REXO2: variants seen among roughly 807,000 people sequenced by gnomAD.
REXO2 encodes the protein oligoribonuclease, mitochondrial.
A neutral mutation model predicts 30.9 loss-of-function variants in REXO2; 17 were observed. The observed-to-expected ratio is 0.55, with a 90% CI of 0.38 to 0.82. The LOEUF (loss-of-function observed/expected upper bound fraction) is 0.82, where lower values mean the gene tolerates loss of function less well. Ranked by LOEUF, REXO2 falls within the 40% of genes least tolerant of loss-of-function variation. The probability of loss-of-function intolerance (pLI) is 0.00; values close to 1 mark genes in which losing one functional copy is unlikely to be tolerated. For synonymous variants in REXO2, 105 were observed against 99.6 expected (o/e 1.05, Z -0.32); for missense variants, 253 against 293.2 (o/e 0.86, Z 1.00).
chr11:114,444,440 T>TTA (rs1946499626), intron 3 of REXO2, 101 bp from the exon 4 acceptor site: 1 of 802,728 alleles, frequency 1.2e-6, no homozygotes, highest in African/African-American at 1.7e-5. Flanking sequence ...CTATTTGTGG[T>TTA]TATATTTGCC....
At chr11:114,445,912 T>G (rs74658740) in intron 4 of REXO2, 67 bp from the exon 5 acceptor site, 2 of 852,036 alleles carry the variant, frequency 2.3e-6, no homozygotes, top group African/African-American at 1.7e-5. Flanking sequence ...ATACAACTTA[T>G]GAATTTTGAT....
chr11:114,440,678 A>G lies in REXO2; in HGVS notation c.170A>G (p.Lys57Arg). ...CAGATGACAGGATTGGACATTGAGA[A>G]GGACCAGATTATTGAGATGGCCTGT... ...DLEMTGLDIE[K>R]DQIIEMACLI... Residue 57 changes from lysine (K) to arginine (R), a missense_variant, in exon 2 of 7, where the codon AAG (lysine) becomes AGG (arginine). Lys to Arg is a conservative substitution (Grantham distance 26). Coordinates refer to ENST00000265881, the MANE Select transcript of REXO2 (RefSeq NM_015523.4). 6.2e-7 allele frequency: 1 copy of G among 1,613,610 alleles called. No individual in the cohort carries two copies. Among genetic ancestry groups the G allele is most frequent in the East Asian group, 2.2e-5 (1 of 44,874 alleles).
chr11:114,442,710 A>C (rs910255788), intron 2 of REXO2, among the ~76,000 whole-genome samples: 3 of 152,154 alleles, frequency 2.0e-5, no homozygotes, highest in African/African-American at 7.2e-5. Context: ...GGTACAGTTT[A>C]TTATTATCAC....
At chr11:114,443,534 A>T (rs1482773862) in intron 2 of REXO2, among the ~76,000 whole-genome samples, 1 of 151,830 alleles carries the variant, frequency 6.6e-6, no homozygotes, top group Non-Finnish European at 1.5e-5. Flanking sequence ...TTTTTTAAAC[A>T]ATCTTTTACA....
At chr11:114,446,209 C>T (rs1336359535) in intron 5 of REXO2, 122 bp downstream of exon 5, 3 of 574,304 alleles carry the variant, frequency 5.2e-6, no homozygotes, top group Non-Finnish European at 9.2e-6. Flanking sequence ...ATATCTTCCT[C>T]ATCCCATTCT....
In REXO2 at chr11:114,441,703, C is replaced by A. The variant is rs1263299865; in HGVS notation, c.231+964C>A. On this transcript the variant is annotated intron_variant, in intron 2 of 6. Transcript: ENST00000265881. ...TATGTTACTGGCACTGGATACATTT[C>A]GTAAATCTGCAGTTAACACTTTTGT... is the stretch of plus-strand genomic sequence containing the variant. 5.7e-6 allele frequency: 4 copies of A among 701,966 alleles called. No individual in the cohort carries two copies. In the South Asian group the frequency reaches 5.9e-5, roughly 10 times the overall value. The allele number at this position is 701,966 out of a possible 1,614,324, so 43.5% of individuals were successfully genotyped here.
chr11:114,446,024 C>A lies in REXO2; in HGVS notation c.467C>A (p.Pro156His). The change falls in exon 5 of 7, where the codon CCC becomes CAC. Residue 156 changes from proline (P) to histidine (H), a missense_variant. Transcript: ENST00000265881. ...EDKKFLDKYM[P>H]QFMKHLHYRI... ...AAGAAGTTTCTTGACAAATACATGCCCCAGTTCATGAAACATCTTCATTAT... is the reference window on the plus strand; with the variant it reads ...AAGAAGTTTCTTGACAAATACATGCACCAGTTCATGAAACATCTTCATTAT... 1 of 1,610,076 alleles carries A rather than the reference C, an allele frequency of 6.2e-7. No individual in the cohort carries two copies. Among genetic ancestry groups the A allele is most frequent in the South Asian group, 1.1e-5 (1 of 90,612 alleles).
At chr11:114,441,168 G>A (rs1311974845) in intron 2 of REXO2, 2 of 158,296 alleles carry the variant, frequency 1.3e-5, no homozygotes, top group African/African-American at 2.4e-5. Flanking sequence ...TTTACTGGGG[G>A]AGCCAAGAGT....
chr11:114,445,256 CCT>C (rs1459356852), intron 4 of REXO2: 4 of 152,040 alleles, frequency 2.6e-5, no homozygotes, highest in African/African-American at 9.7e-5. Context: ...TTATTTTTCC[CCT>C]GTGTCATTGA....
intron 1 of REXO2, 155 bp downstream of exon 1, chr11:114,439,830 G>A (rs1565269644): frequency 1.1e-5 from 10 of 869,676 alleles, no homozygotes; most frequent in Non-Finnish European, 1.5e-5. Flanking sequence ...AAGTCCGGAG[G>A]CAGGAGTCCT....
chr11:114,441,754 G>A lies in REXO2; in HGVS notation c.231+1015G>A, dbSNP rs1254919949. On this transcript the variant is annotated intron_variant, in intron 2 of 6. Transcript: ENST00000265881. ...TTGTTTTGCTGTGTAGGTAAAAGAG[G>A]TGAGGACGTATTTCTAGATTAATGA... The A allele has an allele frequency of 5.7e-6, 4 of 702,178 alleles. No individual in the cohort carries two copies. The African/African-American group carries it at 7.0e-5, about 12-fold the overall frequency. The allele number at this position is 702,178 out of a possible 1,614,324, so 43.5% of individuals were successfully genotyped here. A position where few individuals can be genotyped will look rare whatever the true frequency, so the allele number is the denominator to read the frequency against.
intron 4 of REXO2, chr11:114,445,723 G>A (rs1946506398): frequency 2.9e-6 from 1 of 346,742 alleles, no homozygotes; most frequent in South Asian, 4.6e-5. Flanking sequence ...CAAGCATGTG[G>A]AATGATAGAT....
chr11:114,439,905 G>GCTT (rs995228046), intron 1 of REXO2: 2 of 582,260 alleles, frequency 3.4e-6, no homozygotes, highest in African/African-American at 3.8e-5. Flanking sequence ...CCTCCGTGTG[G>GCTT]CTTCTTCTCC....
At position 114,443,906 on chromosome 11, in the gene REXO2, A is replaced by C; in HGVS notation, c.282A>C (p.Ser94=). Residue 94 remains serine (S), a synonymous_variant, in exon 3 of 7, where the codon TCA becomes TCC. Coordinates refer to ENST00000265881, the MANE Select transcript of REXO2 (RefSeq NM_015523.4). The part of the protein sequence containing the change: ...KQPDELLDSM[S]DWCKEHHGKS... ...CAGATGAGTTGCTGGACAGCATGTCAGATTGGTGTAAGGAGCATCACGGGA... is the reference window on the plus strand; with the variant it reads ...CAGATGAGTTGCTGGACAGCATGTCCGATTGGTGTAAGGAGCATCACGGGA... 2 of 1,609,258 alleles carry C rather than the reference A, an allele frequency of 1.2e-6. No homozygotes were observed. The highest frequency in any genetic ancestry group is 1.7e-6 in the Non-Finnish European group (2 of 1,177,774).
chr11:114,445,150 C>T (rs1204205605), intron 4 of REXO2: 1 of 152,030 alleles, frequency 6.6e-6, no homozygotes, highest in Non-Finnish European at 1.5e-5. Context: ...TTAGATGTTC[C>T]CCAAAATATT....
At chr11:114,442,121 A>G (rs1413975040) in intron 2 of REXO2, among the ~76,000 whole-genome samples, 2 of 151,848 alleles carry the variant, frequency 1.3e-5, no homozygotes, top group Non-Finnish European at 2.9e-5. Flanking sequence ...TGAATGCAGC[A>G]TTTGTAAATG....
intron 2 of REXO2, chr11:114,441,810 C>A: frequency 1.4e-6 from 1 of 700,950 alleles, no homozygotes; most frequent in Non-Finnish European, 2.6e-6. Flanking sequence ...GCTTATCCTC[C>A]CCACATATCA....
Position 114,450,119 on chromosome 11 carries a change from T to A in REXO2, c.*144T>A. 3 of 751,074 alleles carry A rather than the reference T, an allele frequency of 4.0e-6. No homozygotes were observed. The highest frequency in any genetic ancestry group is 3.0e-5 in the East Asian group (1 of 33,318). 46.5% of individuals were successfully genotyped at this position (751,074 alleles called of 1,614,324 possible). On this transcript the variant is annotated 3_prime_UTR_variant, in exon 7 of 7. Transcript: ENST00000265881. ...CTCAAGCAGACAGCACACGAAATACTATTTTTCTCCTAATATGCTGTTTCC... is the reference window on the plus strand; with the variant it reads ...CTCAAGCAGACAGCACACGAAATACAATTTTTCTCCTAATATGCTGTTTCC...
Position 114,439,504 on chromosome 11 carries a change from G to C in REXO2, c.-25G>C, listed in dbSNP as rs1279776357. 1.2e-6 allele frequency: 2 copies of C among 1,601,010 alleles called. No individual in the cohort carries two copies. The stretch of plus-strand genomic sequence containing the variant: ...TGCGCCAGCGCCGGCTGCGAGACTG[G>C]GGCCGTGGCTGCTGGTCCCGGGTGA... On this transcript the variant is annotated 5_prime_UTR_variant, in exon 1 of 7. Coordinates refer to ENST00000265881, the MANE Select transcript of REXO2 (RefSeq NM_015523.4).
Sources: gnomAD v4.1 joint callset for allele counts (sites outside exome capture counted in the v4.1 genomes callset) on GRCh38, gnomAD v4.1.1 for gene constraint, MANE v1.5 for transcripts, NCBI Gene and HGNC (gene_info 2026-07-23, HGNC 2026-07-21) for gene names.